GDA: variants seen among roughly 807,000 people sequenced by gnomAD.
GDA encodes the protein cytoplasmic PSD-95 interactor.
Under a neutral mutation model 59.6 loss-of-function variants are expected in GDA, and 18 were observed. That is an observed-to-expected ratio of 0.30 (90% CI 0.21 to 0.45). The LOEUF (loss-of-function observed/expected upper bound fraction) is 0.45, where lower values mean the gene tolerates loss of function less well. Ranked by LOEUF, GDA falls within the 20% of genes least tolerant of loss-of-function variation. The probability of loss-of-function intolerance (pLI) is 1.00; values close to 1 mark genes in which losing one functional copy is unlikely to be tolerated. For synonymous variants in GDA, 201 were observed against 201.1 expected, an observed-to-expected ratio of 1.00 and a Z score of 0.00; for missense variants, 427 against 552.3, an observed-to-expected ratio of 0.77 and a Z score of 2.27.
intron 1 of GDA, among the ~76,000 whole-genome samples, chr9:72,181,675 T>C (rs1831241046): frequency 6.6e-6 from 1 of 152,098 alleles, no homozygotes; most frequent in South Asian, 2.1e-4. Context: ...AGTCTTGCTC[T>C]GTCACCTGGG....
At chr9:72,192,471 T>C (rs1832679511) in intron 1 of GDA, among the ~76,000 whole-genome samples, 1 of 150,118 alleles carries the variant, frequency 6.7e-6, no homozygotes, top group African/African-American at 2.4e-5. Context: ...ACCTCGTGAT[T>C]CACCTGCCTC....
At chr9:72,253,572 A>G (rs555431458), downstream of GDA, 1 of 152,240 alleles carries the variant, frequency 6.6e-6, no homozygotes, top group Non-Finnish European at 1.5e-5. Context: ...TTGCTGTGTG[A>G]TTGTTCTGTC....
At chr9:72,149,864 G>C (rs1318643232) in intron 1 of GDA, among the ~76,000 whole-genome samples, 182 bp downstream of exon 1, 1 of 152,240 alleles carries the variant, frequency 6.6e-6, no homozygotes, top group South Asian at 2.1e-4. Flanking sequence ...AGGTTCGTGG[G>C]CTGGCTGGGG....
chr9:72,149,936 G>C (rs964859006), intron 1 of GDA, among the ~76,000 whole-genome samples: 8 of 152,226 alleles, frequency 5.3e-5, no homozygotes, highest in Non-Finnish European at 1.2e-4. Context: ...AGCAGTCCGG[G>C]CTGCGGTAGA....
At chr9:72,212,794 G>A (rs947259642) in intron 4 of GDA, among the ~76,000 whole-genome samples, 1 of 152,124 alleles carries the variant, frequency 6.6e-6, no homozygotes, top group East Asian at 1.9e-4. Context: ...GGAGACAGGA[G>A]GGAGATTGTA....
At chr9:72,219,240 T>A (rs777279127) in intron 5 of GDA, among the ~76,000 whole-genome samples, 7 of 151,962 alleles carry the variant, frequency 4.6e-5, no homozygotes, top group Non-Finnish European at 7.4e-5. Context: ...CCGTCTCTAC[T>A]AAAAATACAA....
rs748523920 is a variant in GDA at position 72,245,227 on chromosome 9, C to T, written c.1215C>T (p.Ser405=). The change falls in exon 12 of 14, where the codon TCC becomes TCT. Residue 405 remains serine, a synonymous_variant. Transcript: ENST00000358399. Reference sequence around the variant, plus strand: ...CCATCCTGATCAACCCCAAAGCATCCGACTCTCCCATTGACCTGTTTTATG... The same window carrying T: ...CCATCCTGATCAACCCCAAAGCATCTGACTCTCCCATTGACCTGTTTTATG... ...FDAILINPKA[S]DSPIDLFYGD... 12 of 1,611,360 alleles carry T rather than the reference C, an allele frequency of 7.4e-6. No individual in the cohort carries two copies. Among genetic ancestry groups the T allele is most frequent in the Admixed American group, 6.7e-5 (4 of 59,980 alleles).
chr9:72,116,671 C>T (rs1255398677), intron 1 of GDA, among the ~76,000 whole-genome samples: 1 of 152,142 alleles, frequency 6.6e-6, no homozygotes, highest in African/African-American at 2.4e-5. Context: ...AGGCGTGAGC[C>T]ACCGCGCCCG....
intron 1 of GDA, among the ~76,000 whole-genome samples, chr9:72,165,171 T>A (rs1829142102): frequency 6.6e-6 from 1 of 152,208 alleles, no homozygotes; most frequent in African/African-American, 2.4e-5. Flanking sequence ...GTATGGTGAA[T>A]AACTTCTTTC....
chr9:72,153,496 C>A (rs1421181620), intron 1 of GDA, among the ~76,000 whole-genome samples: 1 of 150,590 alleles, frequency 6.6e-6, no homozygotes, highest in East Asian at 2.0e-4. Context: ...ACCCAAAGGA[C>A]TATAAATCAT....
At chr9:72,222,516 C>T (rs1329687385) in intron 6 of GDA, among the ~76,000 whole-genome samples, 1 of 152,130 alleles carries the variant, frequency 6.6e-6, no homozygotes, top group African/African-American at 2.4e-5. Context: ...TGTTGGTTGT[C>T]TGTTTACTCT....
intron 1 of GDA, among the ~76,000 whole-genome samples, chr9:72,120,408 G>A (rs1230684106): frequency 1.3e-5 from 2 of 152,112 alleles, no homozygotes; most frequent in African/African-American, 2.4e-5. Flanking sequence ...TGGCCAGGCT[G>A]TTCTCAAACT....
At chr9:72,227,806 AG>A in intron 8 of GDA, 136 bp from the exon 9 acceptor site, 1 of 616,736 alleles carries the variant, frequency 1.6e-6, no homozygotes, top group Non-Finnish European at 2.9e-6. Flanking sequence ...TTGTACATAT[AG>A]ATCATCATAA....
At chr9:72,127,795 T>C (rs1237035514) in intron 1 of GDA, among the ~76,000 whole-genome samples, 1 of 152,208 alleles carries the variant, frequency 6.6e-6, no homozygotes, top group Non-Finnish European at 1.5e-5. Context: ...TGCATGAGAC[T>C]GGGCACTGGC....
Position 72,194,545 on chromosome 9 carries a change from C to G in GDA, c.124-955C>G, listed in dbSNP as rs73650308. ...CTCCTCGAGTGGAAGGAAGGAGTCT[C>G]TTTTGGAGCCATGAGCTGTGTGGCC... On this transcript the variant is annotated intron_variant, in intron 1 of 13. Transcript: ENST00000358399. Among the ~76,000 whole-genome samples the G allele has an allele frequency of 3.1e-3, 476 of 152,196 alleles. 6 individuals are homozygous for G. The highest frequency in any genetic ancestry group is 0.011 in the African/African-American group (452 of 41,518).
At chr9:72,240,913 A>G (rs1839538125) in intron 10 of GDA, among the ~76,000 whole-genome samples, 1 of 152,218 alleles carries the variant, frequency 6.6e-6, no homozygotes, top group Non-Finnish European at 1.5e-5. Flanking sequence ...TAAGCTAGAA[A>G]ATTTGTGATA....
At chr9:72,141,068 A>G (rs1349775162) in intron 1 of GDA, among the ~76,000 whole-genome samples, 1 of 152,128 alleles carries the variant, frequency 6.6e-6, no homozygotes, top group Non-Finnish European at 1.5e-5. Context: ...TCCATGGGGG[A>G]GAATGAGTGA....
intron 1 of GDA, among the ~76,000 whole-genome samples, chr9:72,151,467 GAGAGTATCTTACTTTT>G (rs1434926295): frequency 6.6e-6 from 1 of 152,090 alleles, no homozygotes; most frequent in African/African-American, 2.4e-5. Flanking sequence ...TTTCAAAATG[GAGAGTATCTTACTTTT>G]AGAGTTGCTG....
chr9:72,197,554 A>C (rs1015433530), intron 2 of GDA: 6 of 152,132 alleles, frequency 3.9e-5, no homozygotes, highest in Admixed American at 1.3e-4. Flanking sequence ...GAGGGTAAAC[A>C]TAACTGTGGG....
Sources: allele counts gnomAD v4.1 joint callset (sites outside exome capture counted in the v4.1 genomes callset), GRCh38; gene constraint gnomAD v4.1.1; transcripts MANE v1.5; gene names NCBI Gene and HGNC (gene_info 2026-07-23, HGNC 2026-07-21).